Variants in TET3 observed in about 807,000 individuals in gnomAD.
TET3 encodes the protein methylcytosine dioxygenase TET3.
A neutral mutation model predicts 141.4 loss-of-function variants in TET3; 19 were observed. That is an observed-to-expected ratio of 0.13 (90% CI 0.09 to 0.20). The LOEUF (loss-of-function observed/expected upper bound fraction) is 0.20, where lower values mean the gene tolerates loss of function less well. Ranked by LOEUF, TET3 falls within the 10% of genes least tolerant of loss-of-function variation. TET3 has a pLI of 1.00. For synonymous variants in TET3, 1,043 were observed against 980.9 expected, an observed-to-expected ratio of 1.06 and a Z score of -1.18; for missense variants, 1,874 against 2,356.9, an observed-to-expected ratio of 0.80 and a Z score of 4.24.
chr2:74,128,992 T>TAAAAAAAAA, the TET3 span, among the ~76,000 whole-genome samples: 2 of 77,922 alleles, frequency 2.6e-5, no homozygotes, highest in Admixed American at 1.4e-4. Flanking sequence ...TGTCTCAATT[T>TAAAAAAAAA]AAAAAAAAAA....
chr2:74,091,986 A>G (rs13387412), intron 8 of TET3, among the ~76,000 whole-genome samples: 11,317 of 152,260 alleles, frequency 0.074, 890 homozygotes, highest in African/African-American at 0.2. Flanking sequence ...TAGTGCAACC[A>G]AGGGACTGAA....
the TET3 span, chr2:74,122,457 A>ATATGTGTGTGTGTGTGTG: frequency 2.9e-4 from 37 of 127,492 alleles, no homozygotes; most frequent in East Asian, 4.9e-3. Context: ...AAATATATAT[A>ATATGTGTGTGTGTGTGTG]TGTGTGTGTG....
chr2:74,132,715 A>C, the TET3 span, among the ~76,000 whole-genome samples: 1 of 152,052 alleles, frequency 6.6e-6, no homozygotes, highest in Admixed American at 6.6e-5. Context: ...ATAAATTAAG[A>C]GGTACTGGCA....
intron 4 of TET3, among the ~76,000 whole-genome samples, chr2:74,049,352 C>T (rs897043660): frequency 6.6e-6 from 1 of 152,124 alleles, no homozygotes; most frequent in African/African-American, 2.4e-5. Flanking sequence ...TGAAGCGGTG[C>T]CGTGTGTGAG....
chr2:74,093,812 C>T lies in TET3; in HGVS notation c.3267+146C>T. 9.3e-7 allele frequency: 1 copy of T among 1,080,636 alleles called. No individual in the cohort carries two copies. Among genetic ancestry groups the T allele is most frequent in the African/African-American group, 1.6e-5 (1 of 61,740 alleles). The allele number at this position is 1,080,636 out of a possible 1,614,324, so 66.9% of individuals were successfully genotyped here. ...TCTGGAAGGTTCCCTGCAAGACGGC[C>T]TGCCTTCGCCCACCTCCCAGAGAAA... is the stretch of plus-strand genomic sequence containing the variant. On this transcript the variant is annotated intron_variant, in intron 10 of 11. Coordinates refer to ENST00000409262, the MANE Select transcript of TET3 (RefSeq NM_001287491.2). This position sits in a 1 kb window ranked among gnomAD's most constrained non-coding sequence, Gnocchi z 4.2.
Position 74,087,219 on chromosome 2 carries a change from C to G in TET3, c.2680-611C>G, listed in dbSNP as rs921645407. Reference sequence around the variant, plus strand: ...CACGTCGTACTTACCTGTTCATCAACCGATGGACCCTGGGGGTGCTTCCAC... The same window carrying G: ...CACGTCGTACTTACCTGTTCATCAAGCGATGGACCCTGGGGGTGCTTCCAC... On this transcript the variant is annotated intron_variant, in intron 6 of 11. Coordinates refer to ENST00000409262, the MANE Select transcript of TET3 (RefSeq NM_001287491.2). This position sits in a 1 kb window ranked among gnomAD's most constrained non-coding sequence, Gnocchi z 4.3. Among the ~76,000 whole-genome samples the G allele has an allele frequency of 6.6e-6, 1 of 152,210 alleles. No homozygotes were observed. The highest frequency in any genetic ancestry group is 1.5e-5 in the Non-Finnish European group (1 of 68,042).
intron 3 of TET3, among the ~76,000 whole-genome samples, chr2:74,016,743 AAAAT>A (rs1349062351): frequency 6.6e-6 from 1 of 150,708 alleles, no homozygotes; most frequent in East Asian, 1.9e-4. Flanking sequence ...AACAAACAAA[AAAAT>A]AAAACCCACA....
rs1377004817 is a variant in TET3, at chr2:74,046,682, A to G, written c.765A>G (p.Thr255=). The G allele has an allele frequency of 1.9e-6, 3 of 1,613,998 alleles. No individual in the cohort carries two copies. Among genetic ancestry groups the G allele is most frequent in the Admixed American group, 1.7e-5 (1 of 60,034 alleles). The part of the protein sequence containing the change: ...GCSAGSEDLD[T]LQTALALARH... ...CTGCTGGCAGCGAAGACCTTGACAC[A>G]CTGCAGACGGCCCTGGCCCTCGCGC... is the stretch of plus-strand genomic sequence containing the variant. Residue 255 remains threonine (T), a synonymous_variant, in exon 4 of 12, where the codon ACA becomes ACG. Coordinates refer to ENST00000409262, the MANE Select transcript of TET3 (RefSeq NM_001287491.2). The surrounding 1 kb of genome is among the most constrained non-coding windows in gnomAD (Gnocchi z 4.3).
the TET3 span, among the ~76,000 whole-genome samples, chr2:74,120,387 C>T: frequency 6.6e-6 from 1 of 152,276 alleles, no homozygotes; most frequent in African/African-American, 2.4e-5. Flanking sequence ...GTCCGTACCT[C>T]TCCGTCTTTC....
chr2:74,082,859 G>A (rs908313215), intron 6 of TET3, among the ~76,000 whole-genome samples: 1 of 152,146 alleles, frequency 6.6e-6, no homozygotes, highest in Non-Finnish European at 1.5e-5. Flanking sequence ...ATTCTTGGTG[G>A]CAGTGTAGCG....
intron 10 of TET3, among the ~76,000 whole-genome samples, chr2:74,094,418 T>C (rs1286127353): frequency 1.3e-5 from 2 of 152,170 alleles, no homozygotes; most frequent in South Asian, 2.1e-4. Flanking sequence ...ACAGGGAGCC[T>C]TGAGGGCCAG....
chr2:74,134,258 G>A, the TET3 span, among the ~76,000 whole-genome samples: 6 of 152,214 alleles, frequency 3.9e-5, no homozygotes, highest in East Asian at 1.2e-3. Context: ...GAGGTGGCTC[G>A]GGCCTTCAGG....
chr2:74,100,754 C>T lies in TET3; in HGVS notation c.3966C>T (p.His1322=), dbSNP rs768193705. Residue 1322 remains histidine, a synonymous_variant, in exon 12 of 12, where the codon CAC becomes CAT. Transcript: ENST00000409262. ...SGSFEKKPDL[H]ALHNSLSPAY... ...GTTTTGAGAAGAAGCCAGACCTCCA[C>T]GCTCTGCACAACAGCCTGAGCCCGG... The T allele has an allele frequency of 5.3e-5, 85 of 1,613,590 alleles. No homozygotes were observed. Among genetic ancestry groups the T allele is most frequent in the Non-Finnish European group, 6.2e-5 (73 of 1,179,804 alleles).
intron 3 of TET3, among the ~76,000 whole-genome samples, chr2:74,042,759 C>G (rs1381808949): frequency 6.6e-6 from 1 of 152,234 alleles, no homozygotes; most frequent in African/African-American, 2.4e-5. Flanking sequence ...CTTCTCTTGC[C>G]TGTTGGCCCC....
At chr2:74,066,503 A>G (rs1452938256) in intron 4 of TET3, among the ~76,000 whole-genome samples, 6 of 152,228 alleles carry the variant, frequency 3.9e-5, no homozygotes, top group Non-Finnish European at 7.3e-5. Context: ...TACTAGTTTG[A>G]TAACTTTGTT....
At chr2:74,035,214 A>T (rs1458588411) in intron 3 of TET3, among the ~76,000 whole-genome samples, 1 of 148,318 alleles carries the variant, frequency 6.7e-6, no homozygotes, top group Admixed American at 6.8e-5. Context: ...AAAAAAAAAA[A>T]AAAAAAAGTT....
Position 74,100,510 on chromosome 2 carries a change from C to G in TET3, c.3722C>G (p.Ser1241Trp), listed in dbSNP as rs773936903. Residue 1241 changes from serine to tryptophan, a missense_variant, in exon 12 of 12, where the codon TCG (serine) becomes TGG (tryptophan). This residue lies in a region of TET3 where 602 missense variants were observed against 590.2 expected (regional missense o/e 1.02). Transcript: ENST00000409262. ...GGCAACGCGGTGGTGGAGAGCTACT[C>G]GGTGCTGGGCAACTGCCGGCCCTCC... ...YSGNAVVESY[S>W]VLGNCRPSDP... 1 of 1,606,660 alleles carries G rather than the reference C, an allele frequency of 6.2e-7. No individual in the cohort carries two copies. The highest frequency in any genetic ancestry group is 8.5e-7 in the Non-Finnish European group (1 of 1,176,758).
Position 74,104,151 on chromosome 2 carries a change from TG to T in TET3, c.*1976del. On this transcript the variant is annotated 3_prime_UTR_variant, in exon 12 of 12. Coordinates refer to ENST00000409262, the MANE Select transcript of TET3 (RefSeq NM_001287491.2). ...AAACAGCAACTTGAAAAAAAAAGTA[TG>T]TTTTAACATGTAATTGTGGGAGAAA... 6.5e-6 allele frequency: 1 copy of T among 152,976 alleles called. No individual in the cohort carries two copies. Among genetic ancestry groups the T allele is most frequent in the Admixed American group, 6.5e-5 (1 of 15,306 alleles). The allele number at this position is 152,976 out of a possible 1,614,324, so 9.5% of individuals were successfully genotyped here.
At chr2:74,099,023 C>G (rs980120758) in intron 10 of TET3, among the ~76,000 whole-genome samples, 4 of 152,214 alleles carry the variant, frequency 2.6e-5, no homozygotes, top group Admixed American at 6.5e-5. Context: ...GGTATCTCAT[C>G]TCCTCTCAGC....
Sources: allele counts gnomAD v4.1 joint callset (sites outside exome capture counted in the v4.1 genomes callset), GRCh38; gene constraint gnomAD v4.1.1; regional missense constraint gnomAD v4.1.1; non-coding constraint Gnocchi (gnomAD v3.1); transcripts MANE v1.5; gene names NCBI Gene and HGNC (gene_info 2026-07-23, HGNC 2026-07-21).